The following COG5 variants were observed in gnomAD, a reference collection of about 807,000 sequenced individuals.
COG5 encodes component of oligomeric golgi complex 5.
Under a neutral mutation model 110.4 loss-of-function variants are expected in COG5, and 86 were observed. The ratio of observed to expected loss-of-function variants is 0.78; its 90% confidence interval spans 0.65 to 0.93. The LOEUF (loss-of-function observed/expected upper bound fraction) is 0.93. Among genes scored for constraint, COG5 ranks in the 40% least tolerant of loss-of-function variants. The pLI is 0.00. For synonymous variants in COG5, 360 were observed against 334.6 expected (o/e 1.08, Z -0.83); for missense variants, 1,077 against 987.0 (o/e 1.09, Z -1.22).
At chr7:107,531,711 A>AT (rs1401107178) in intron 5 of COG5, among the ~76,000 whole-genome samples, 1 of 150,864 alleles carries the variant, frequency 6.6e-6, no homozygotes, top group Non-Finnish European at 1.5e-5. Flanking sequence ...TGATTTAAAC[A>AT]TAATAAGGGA....
intron 19 of COG5, among the ~76,000 whole-genome samples, chr7:107,217,640 C>G (rs1799617078): frequency 6.6e-6 from 1 of 152,034 alleles, no homozygotes; most frequent in South Asian, 2.1e-4. Flanking sequence ...AAGACAAAAA[C>G]CATATGATCA....
intron 6 of COG5, among the ~76,000 whole-genome samples, chr7:107,513,669 C>T (rs1164591006): frequency 6.6e-6 from 1 of 152,072 alleles, no homozygotes; most frequent in South Asian, 2.1e-4. Context: ...CAATGATAGA[C>T]TGGATTAAGA....
intron 8 of COG5, among the ~76,000 whole-genome samples, chr7:107,371,230 T>G (rs1197406828): frequency 1.3e-5 from 2 of 152,206 alleles, no homozygotes; most frequent in African/African-American, 4.8e-5. Context: ...TCATCTCTTT[T>G]TATCCAGTAC....
intron 6 of COG5, among the ~76,000 whole-genome samples, chr7:107,518,281 A>G (rs914433491): frequency 2.6e-5 from 4 of 152,218 alleles, no homozygotes; most frequent in Non-Finnish European, 5.9e-5. Context: ...TAGCATCATG[A>G]TGACAGGATC....
rs986688851 is a variant in COG5, at chr7:107,235,053, A to G, written c.2091+1397T>C. On this transcript the variant is annotated intron_variant, in intron 18 of 21. Coordinates refer to ENST00000297135, the MANE Select transcript of COG5 (RefSeq NM_006348.5). The stretch of plus-strand genomic sequence containing the variant: ...ATTTTCCAAATGAAGGCTCATTTCT[A>G]TGGTCTAATGGTCCCAGGAATATTA... 3.9e-5 allele frequency among the ~76,000 whole-genome samples: 6 copies of G among 152,214 alleles called. No homozygotes were observed. In the East Asian group the frequency reaches 9.6e-4, roughly 24 times the overall value.
chr7:107,272,490 G>C (rs1470960242), intron 14 of COG5, among the ~76,000 whole-genome samples: 3 of 152,150 alleles, frequency 2.0e-5, no homozygotes, highest in Non-Finnish European at 4.4e-5. Context: ...CTGTGTCTCT[G>C]CAAGTCCTCA....
At chr7:107,335,898 T>A (rs1169653188) in intron 10 of COG5, among the ~76,000 whole-genome samples, 1 of 151,596 alleles carries the variant, frequency 6.6e-6, no homozygotes. Context: ...GAGAAAGGGG[T>A]CAATTTGGCA....
At chr7:107,361,552 ATTTATTTTAG>A (rs1466989000) in intron 10 of COG5, among the ~76,000 whole-genome samples, 2 of 152,198 alleles carry the variant, frequency 1.3e-5, no homozygotes, top group Admixed American at 1.3e-4. Flanking sequence ...ATATGATTAC[ATTTATTTTAG>A]TTTATTTATT....
intron 14 of COG5, among the ~76,000 whole-genome samples, chr7:107,263,380 A>G (rs1366371560): frequency 6.6e-6 from 1 of 152,236 alleles, no homozygotes; most frequent in Non-Finnish European, 1.5e-5. Context: ...GTGCAAAAAT[A>G]CAGCTTTGGC....
At chr7:107,377,310 T>G (rs1814721548) in intron 7 of COG5, among the ~76,000 whole-genome samples, 2 of 152,186 alleles carry the variant, frequency 1.3e-5, no homozygotes, top group African/African-American at 4.8e-5. Context: ...TATGTTGTTT[T>G]CCAGAAATTT....
chr7:107,515,798 G>C (rs1405247465), intron 6 of COG5, among the ~76,000 whole-genome samples: 1 of 152,080 alleles, frequency 6.6e-6, no homozygotes, highest in African/African-American at 2.4e-5. Flanking sequence ...GAACAAGTCA[G>C]GCAATAAAAT....
chr7:107,447,710 T>G (rs1401909073), intron 6 of COG5, among the ~76,000 whole-genome samples: 1 of 152,248 alleles, frequency 6.6e-6, no homozygotes, highest in Non-Finnish European at 1.5e-5. Context: ...GTAGTTTAGA[T>G]TAAATCCCAG....
At chr7:107,226,647 A>G (rs868192833) in intron 19 of COG5, among the ~76,000 whole-genome samples, 4 of 152,242 alleles carry the variant, frequency 2.6e-5, no homozygotes, top group African/African-American at 7.2e-5. Flanking sequence ...GCCGCAGCAC[A>G]TGCTCACATC....
At chr7:107,276,406 C>T (rs915202694) in intron 14 of COG5, among the ~76,000 whole-genome samples, 2 of 152,122 alleles carry the variant, frequency 1.3e-5, no homozygotes, top group African/African-American at 4.8e-5. Context: ...TACAGTGGCT[C>T]ACACCTGTAA....
chr7:107,516,017 T>C (rs1445516905), intron 6 of COG5, among the ~76,000 whole-genome samples: 3 of 152,188 alleles, frequency 2.0e-5, no homozygotes, highest in Admixed American at 1.3e-4. Flanking sequence ...TAAATTTTCA[T>C]CTAGTCCCAA....
At chr7:107,237,952 G>A (rs988881425) in intron 17 of COG5, among the ~76,000 whole-genome samples, 9 of 152,186 alleles carry the variant, frequency 5.9e-5, no homozygotes, top group African/African-American at 1.9e-4. Context: ...CTCCCTATCC[G>A]AAAATGGTGC....
chr7:107,510,863 C>A (rs1799446572), intron 6 of COG5, among the ~76,000 whole-genome samples: 1 of 152,168 alleles, frequency 6.6e-6, no homozygotes, highest in Non-Finnish European at 1.5e-5. Context: ...AAAGACACAA[C>A]ATACCAGTAT....
chr7:107,554,573 T>C (rs974090035), intron 2 of COG5, among the ~76,000 whole-genome samples: 8 of 152,210 alleles, frequency 5.3e-5, no homozygotes, highest in African/African-American at 1.9e-4. Context: ...AGCCCTGTCT[T>C]AGTCTGTTTG....
At chr7:107,423,335 TCA>T (rs1793421492) in intron 6 of COG5, among the ~76,000 whole-genome samples, 1 of 152,142 alleles carries the variant, frequency 6.6e-6, no homozygotes, top group South Asian at 2.1e-4. Context: ...ACTATGGACC[TCA>T]CAGACATATC....
Sources: allele counts gnomAD v4.1 joint callset (sites outside exome capture counted in the v4.1 genomes callset), GRCh38; gene constraint gnomAD v4.1.1; transcripts MANE v1.5; gene names NCBI Gene and HGNC (gene_info 2026-07-23, HGNC 2026-07-21).